USP31: variants seen among roughly 807,000 people sequenced by gnomAD.
USP31 encodes the protein ubiquitin specific peptidase 31.
USP31 carries 44 observed loss-of-function variants against 119.4 expected under a neutral mutation model. That is an observed-to-expected ratio of 0.37 (90% CI 0.29 to 0.47). The LOEUF is 0.47. Ranked by LOEUF, USP31 falls within the 20% of genes least tolerant of loss-of-function variation. USP31 has a pLI of 0.99. For synonymous variants in USP31, 749 were observed against 705.6 expected, an observed-to-expected ratio of 1.06 and a Z score of -0.97; for missense variants, 1,643 against 1,730.2, an observed-to-expected ratio of 0.95 and a Z score of 0.89.
chr16:23,068,509 G>T lies in USP31; in HGVS notation c.3596C>A (p.Ser1199Tyr). Residue 1199 changes from serine to tyrosine, a missense_variant, in exon 16 of 16, where the codon TCC (serine) becomes TAC (tyrosine). Physicochemically the swap from Ser to Tyr is moderately radical, Grantham distance 144 (BLOSUM62 -2). Around this residue, in one of 5 missense-constraint regions of USP31, gnomAD observed 699 missense variants for 650.9 expected, o/e 1.07. Transcript: ENST00000219689. ...GRGAGKHVRS[S>Y]SMASLRSPST... ...GGGGGAGCGCAGGCTGGCCATGGAG[G>T]AGCTCCGCACGTGCTTCCCGGCCCC... is the stretch of plus-strand genomic sequence containing the variant. 1 of 1,613,716 alleles carries T rather than the reference G, an allele frequency of 6.2e-7. No individual in the cohort carries two copies. The highest frequency in any genetic ancestry group is 1.1e-5 in the South Asian group (1 of 91,050).
chr16:23,080,576 T>C (rs1363057616), intron 12 of USP31, among the ~76,000 whole-genome samples: 2 of 152,240 alleles, frequency 1.3e-5, no homozygotes, highest in Non-Finnish European at 2.9e-5. Flanking sequence ...GAAGAGCCTC[T>C]TGATAAGCAG....
intron 11 of USP31, among the ~76,000 whole-genome samples, chr16:23,084,059 A>C (rs1186846801): frequency 1.3e-5 from 2 of 152,202 alleles, no homozygotes; most frequent in African/African-American, 2.4e-5. Context: ...GCAGAAGAAG[A>C]ACCCAACCAC....
At chr16:23,083,711 G>GA (rs1343259813) in intron 11 of USP31, among the ~76,000 whole-genome samples, 1 of 30,146 alleles carries the variant, frequency 3.3e-5, no homozygotes, top group Non-Finnish European at 5.8e-5. Context: ...GGGGGGGGGG[G>GA]AAGGGGTGAA....
Position 23,090,769 on chromosome 16 carries a change from A to G in USP31, c.1270T>C (p.Phe424Leu). 1 of 1,607,536 alleles carries G rather than the reference A, an allele frequency of 6.2e-7. No homozygotes were observed. Among genetic ancestry groups the G allele is most frequent in the Non-Finnish European group, 8.5e-7 (1 of 1,175,020 alleles). The part of the protein sequence containing the change: ...HLNNNLNHLK[F>L]GLDYHRLSSP... ...GACAGTCTATGATAATCCAAGCCAAATTTCAAGTGGTTTAGGTTGTTGTTT... is the reference window on the plus strand; with the variant it reads ...GACAGTCTATGATAATCCAAGCCAAGTTTCAAGTGGTTTAGGTTGTTGTTT... Residue 424 changes from phenylalanine to leucine, a missense_variant, in exon 7 of 16, where the codon TTT becomes CTT. Physicochemically the swap from Phe to Leu is conservative, Grantham distance 22. Coordinates refer to ENST00000219689, the MANE Select transcript of USP31 (RefSeq NM_020718.4).
At position 23,105,520 on chromosome 16, in the gene USP31, C is replaced by T. The variant is rs1902059336; in HGVS notation, c.1010G>A (p.Gly337Asp). 6.2e-7 allele frequency: 1 copy of T among 1,614,002 alleles called. No homozygotes were observed. Among genetic ancestry groups the T allele is most frequent in the African/African-American group, 1.3e-5 (1 of 74,928 alleles). Reference protein sequence around the residue: ...QGKCSHCMRIGVAVPLSGTVA... With the variant: ...QGKCSHCMRIDVAVPLSGTVA... Reference sequence around the variant, plus strand: ...AGTCCCAGACAGAGGTACGGCCACACCAATCCTCATGCAGTGAGAACATTT... The same window carrying T: ...AGTCCCAGACAGAGGTACGGCCACATCAATCCTCATGCAGTGAGAACATTT... Residue 337 changes from glycine to aspartate, a missense_variant, in exon 5 of 16, where the codon GGT (glycine) becomes GAT (aspartate). Coordinates refer to ENST00000219689, the MANE Select transcript of USP31 (RefSeq NM_020718.4).
chr16:23,130,222 T>C (rs1902986522), intron 1 of USP31, among the ~76,000 whole-genome samples: 1 of 152,108 alleles, frequency 6.6e-6, no homozygotes, highest in Non-Finnish European at 1.5e-5. Context: ...AAAAAAGCAA[T>C]GGCAATTTTT....
chr16:23,104,136 A>T (rs1901996758), intron 5 of USP31, among the ~76,000 whole-genome samples: 1 of 152,206 alleles, frequency 6.6e-6, no homozygotes, highest in South Asian at 2.1e-4. Context: ...CTTTCAAATA[A>T]GGGAGTTGGA....
rs1323329806 is a variant in USP31, at chr16:23,102,426, C to T, written c.1127G>A (p.Arg376His). The change falls in exon 6 of 16, where the codon CGT becomes CAT. Residue 376 changes from arginine (R) to histidine (H), a missense_variant. By Grantham distance (29) the Arg-to-His change is conservative. This residue lies in a region of USP31 where 219 missense variants were observed against 226.4 expected (regional missense o/e 0.97). Coordinates refer to ENST00000219689, the MANE Select transcript of USP31 (RefSeq NM_020718.4). ...CAGGTCGTCTGTATCACAAAAGGAA[C>T]GATGGAACCCATCATAGTACATTTC... ...LTEMYYDGFH[R>H]SFCDTDDLET... 2 of 1,613,148 alleles carry T rather than the reference C, an allele frequency of 1.2e-6. No individual in the cohort carries two copies. Among genetic ancestry groups the T allele is most frequent in the Non-Finnish European group, 8.5e-7 (1 of 1,179,594 alleles).
intron 5 of USP31, 94 bp from the exon 6 acceptor site, chr16:23,102,557 G>A (rs1901926708): frequency 7.0e-7 from 1 of 1,426,816 alleles, no homozygotes; most frequent in African/African-American, 1.4e-5. Context: ...CATCAGGACT[G>A]GCAGTGGTCT....
At chr16:23,123,909 A>T (rs1439322470) in intron 1 of USP31, among the ~76,000 whole-genome samples, 1 of 151,870 alleles carries the variant, frequency 6.6e-6, no homozygotes, top group Non-Finnish European at 1.5e-5. Context: ...TGAGGTGAGA[A>T]GATTACTTGA....
intron 1 of USP31, among the ~76,000 whole-genome samples, chr16:23,112,586 A>G (rs1035087022): frequency 1.3e-5 from 2 of 151,990 alleles, no homozygotes; most frequent in African/African-American, 4.8e-5. Context: ...AATAAAAGGA[A>G]TAATAATTTA....
intron 7 of USP31, among the ~76,000 whole-genome samples, chr16:23,090,055 T>C (rs1485544869): frequency 6.6e-6 from 1 of 152,060 alleles, no homozygotes; most frequent in African/African-American, 2.4e-5. Flanking sequence ...AAGAGGAGCC[T>C]GAACTGAAAA....
chr16:23,123,760 G>A (rs1198767872), intron 1 of USP31, among the ~76,000 whole-genome samples: 1 of 152,056 alleles, frequency 6.6e-6, no homozygotes, highest in Admixed American at 6.5e-5. Context: ...AACACTTTGG[G>A]AGGCCAAGGC....
Position 23,068,929 on chromosome 16 carries a change from G to T in USP31, c.3176C>A (p.Ser1059Tyr), listed in dbSNP as rs367932036. 6.2e-7 allele frequency: 1 copy of T among 1,613,926 alleles called. No individual in the cohort carries two copies. Among genetic ancestry groups the T allele is most frequent in the Non-Finnish European group, 8.5e-7 (1 of 1,179,960 alleles). The stretch of plus-strand genomic sequence containing the variant: ...AGAGACTTTTACAGGAAGAGGAGAA[G>T]AAGGGGATGTACTTGAAAGGGATGA... ...QESSLSSTSP[S>Y]SPLPVKVSLK... Residue 1059 changes from serine to tyrosine, a missense_variant, in exon 16 of 16, where the codon TCT becomes TAT. This residue lies in a region of USP31 where 699 missense variants were observed against 650.9 expected (regional missense o/e 1.07). Transcript: ENST00000219689.
chr16:23,088,122 G>C (rs568675732), intron 7 of USP31, among the ~76,000 whole-genome samples: 5 of 152,144 alleles, frequency 3.3e-5, no homozygotes, highest in African/African-American at 7.2e-5. Context: ...GAGAGCACAG[G>C]GGGTGGGAGT....
At chr16:23,105,371 A>C (rs1207388911) in intron 5 of USP31, 70 bp downstream of exon 5, 4 of 1,445,442 alleles carry the variant, frequency 2.8e-6, no homozygotes, top group Non-Finnish European at 3.7e-6. Context: ...AAGAACTGTA[A>C]AAAATTCTAA....
Position 23,112,866 on chromosome 16 carries a change from T to C in USP31, c.634-4683A>G, listed in dbSNP as rs201725107. Among the ~76,000 whole-genome samples, 4 of 151,710 alleles carry C rather than the reference T, an allele frequency of 2.6e-5. No individual in the cohort carries two copies. The East Asian group carries it at 5.9e-4, about 22-fold the overall frequency. On this transcript the variant is annotated intron_variant, in intron 1 of 15. Coordinates refer to ENST00000219689, the MANE Select transcript of USP31 (RefSeq NM_020718.4). ...CAACATGGAGAAATCCCGTCTCTAC[T>C]AAAAACACAAAATTAGCCGGGCACG...
At position 23,104,586 on chromosome 16, in the gene USP31, A is replaced by G. The variant is rs962727623; in HGVS notation, c.1089+855T>C. Among the ~76,000 whole-genome samples, 4 of 152,236 alleles carry G rather than the reference A, an allele frequency of 2.6e-5. No individual in the cohort carries two copies. In the East Asian group the frequency reaches 5.8e-4, roughly 22 times the overall value. ...CCTGCAAAAATATGAGATATTTGCC[A>G]TATTAGGGCAACACTGCTGGCTGTA... On this transcript the variant is annotated intron_variant, in intron 5 of 15. Coordinates refer to ENST00000219689, the MANE Select transcript of USP31 (RefSeq NM_020718.4).
chr16:23,108,676 C>CAT (rs1278262817), intron 1 of USP31, among the ~76,000 whole-genome samples: 1 of 152,092 alleles, frequency 6.6e-6, no homozygotes, highest in Non-Finnish European at 1.5e-5. Context: ...GGGGTGTAGA[C>CAT]ATATACATAC....
Sources: allele counts gnomAD v4.1 joint callset (sites outside exome capture counted in the v4.1 genomes callset), GRCh38; gene constraint gnomAD v4.1.1; regional missense constraint gnomAD v4.1.1; transcripts MANE v1.5; gene names NCBI Gene and HGNC (gene_info 2026-07-23, HGNC 2026-07-21).